The following LIMS1 variants were observed in gnomAD, a reference collection of about 807,000 sequenced individuals.
LIMS1 encodes LIM zinc finger domain containing 1.
Under a neutral mutation model 44.1 loss-of-function variants are expected in LIMS1, and 18 were observed. The ratio of observed to expected loss-of-function variants is 0.41; its 90% CI spans 0.28 to 0.61. LIMS1 has a LOEUF of 0.61. LIMS1 is among the 20% of genes least tolerant of loss of function. The pLI is 0.32. For missense variants in LIMS1, 201 were observed against 422.0 expected (o/e 0.48, Z 4.59); for synonymous variants, 93 against 149.1 (o/e 0.62, Z 2.74).
At chr2:108,537,251 G>A (rs1448976286) in intron 1 of LIMS1, among the ~76,000 whole-genome samples, 1 of 152,126 alleles carries the variant, frequency 6.6e-6, no homozygotes, top group Non-Finnish European at 1.5e-5. Context: ...GAAAGGTCTT[G>A]GAGACCCTCA....
exon 10 of LIMS1, chr2:108,686,729 T>TG: frequency 6.6e-6 from 1 of 151,496 alleles, no homozygotes; most frequent in East Asian, 1.9e-4. Flanking sequence ...TGAGCCGAGA[T>TG]TGCACCACTG....
At chr2:108,580,746 GT>G (rs1441927928) in intron 1 of LIMS1, among the ~76,000 whole-genome samples, 1 of 152,196 alleles carries the variant, frequency 6.6e-6, no homozygotes, top group Non-Finnish European at 1.5e-5. Flanking sequence ...TGACTCTCAG[GT>G]TTCTCGCTTG....
chr2:108,564,700 T>C (rs1272477927), intron 1 of LIMS1, among the ~76,000 whole-genome samples: 1 of 152,112 alleles, frequency 6.6e-6, no homozygotes, highest in Non-Finnish European at 1.5e-5. Flanking sequence ...CGTCATACGA[T>C]TTAGTATACA....
At chr2:108,542,257 A>C (rs1224607507) in intron 1 of LIMS1, among the ~76,000 whole-genome samples, 1 of 152,224 alleles carries the variant, frequency 6.6e-6, no homozygotes. Context: ...GATGATATTT[A>C]GGCATCCTTG....
chr2:108,618,814 A>G (rs1050513371), intron 1 of LIMS1, among the ~76,000 whole-genome samples: 3 of 125,764 alleles, frequency 2.4e-5, no homozygotes, highest in African/African-American at 6.5e-5. Flanking sequence ...ACAGAGCAAG[A>G]CTCCGTCTCA....
chr2:108,617,474 G>A (rs1687988270), intron 1 of LIMS1, among the ~76,000 whole-genome samples: 1 of 152,086 alleles, frequency 6.6e-6, no homozygotes, highest in Non-Finnish European at 1.5e-5. Flanking sequence ...TCTCATTTAG[G>A]TAACATTGAG....
chr2:108,669,681 C>G (rs1337731576), intron 2 of LIMS1, among the ~76,000 whole-genome samples: 1 of 149,408 alleles, frequency 6.7e-6, no homozygotes, highest in Non-Finnish European at 1.5e-5. Flanking sequence ...ACATTTCTCA[C>G]AAGTTAGTAA....
At chr2:108,615,532 T>C (rs957652292) in intron 1 of LIMS1, among the ~76,000 whole-genome samples, 1 of 152,066 alleles carries the variant, frequency 6.6e-6, no homozygotes, top group African/African-American at 2.4e-5. Flanking sequence ...AGAGCTCTTA[T>C]CCTCAAGCAG....
chr2:108,560,412 A>G (rs762613414), intron 1 of LIMS1, among the ~76,000 whole-genome samples: 14 of 151,626 alleles, frequency 9.2e-5, no homozygotes, highest in Admixed American at 6.6e-5. Context: ...ATCTCCTACT[A>G]TTCTTCCCCT....
intron 1 of LIMS1, among the ~76,000 whole-genome samples, chr2:108,559,893 C>T (rs1011069350): frequency 2.0e-5 from 3 of 152,204 alleles, no homozygotes; most frequent in Non-Finnish European, 4.4e-5. Flanking sequence ...ATTTATACCA[C>T]GGACTGTCGT....
chr2:108,673,145 A>G, intron 5 of LIMS1, 116 bp downstream of exon 5: 1 of 1,455,094 alleles, frequency 6.9e-7, no homozygotes, highest in African/African-American at 1.4e-5. Context: ...TAGTCTAGAA[A>G]ATTTTAAACC....
intron 1 of LIMS1, among the ~76,000 whole-genome samples, chr2:108,545,974 C>G (rs1211451243): frequency 1.3e-5 from 2 of 152,180 alleles, no homozygotes; most frequent in Admixed American, 1.3e-4. Context: ...AAGAGAAGCC[C>G]TCCTTAACTA....
At chr2:108,674,060 G>C (rs1692332831) in intron 5 of LIMS1, 1 of 152,220 alleles carries the variant, frequency 6.6e-6, no homozygotes, top group South Asian at 2.1e-4. Flanking sequence ...GGGCGTGGTG[G>C]CTCACACCTG....
chr2:108,660,680 T>C, intron 2 of LIMS1: 1 of 241,730 alleles, frequency 4.1e-6, no homozygotes, highest in South Asian at 4.6e-5. Flanking sequence ...ATCCTCGGCC[T>C]CCCAAAGTGC....
chr2:108,581,274 A>ACCC (rs1685874497), intron 1 of LIMS1, among the ~76,000 whole-genome samples: 2 of 152,094 alleles, frequency 1.3e-5, no homozygotes, highest in African/African-American at 2.4e-5. Context: ...GTAAAACTTA[A>ACCC]CCCCCGCCAG....
chr2:108,617,063 A>G (rs1287570955), intron 1 of LIMS1, among the ~76,000 whole-genome samples: 2 of 152,224 alleles, frequency 1.3e-5, no homozygotes, highest in African/African-American at 4.8e-5. Flanking sequence ...AATGGCCTGG[A>G]AATGTACAGC....
chr2:108,534,389 G>A (rs1257812326), exon 1 of LIMS1: 3 of 299,872 alleles, frequency 1.0e-5, no homozygotes, highest in African/African-American at 2.3e-5. Context: ...TTCCCGCGCG[G>A]CCCGCCTCGC....
At position 108,534,467 on chromosome 2, in the gene LIMS1, G is replaced by A; in HGVS notation, c.-96G>A. On this transcript the variant is annotated 5_prime_UTR_variant, in exon 1 of 10. Transcript: ENST00000544547. Reference sequence around the variant, plus strand: ...TTCCTCCCCTTCCTGCTCCGGGCCCGCCAGTAGCCGGCCGCGGCGGCGAGG... The same window carrying A: ...TTCCTCCCCTTCCTGCTCCGGGCCCACCAGTAGCCGGCCGCGGCGGCGAGG... The A allele has an allele frequency of 9.9e-7, 1 of 1,011,326 alleles. No homozygotes were observed. The highest frequency in any genetic ancestry group is 1.2e-6 in the Non-Finnish European group (1 of 807,262). 62.6% of individuals were successfully genotyped at this position (1,011,326 alleles called of 1,614,324 possible). A position where few individuals can be genotyped will look rare whatever the true frequency, so the allele number is the denominator to read the frequency against.
chr2:108,636,964 C>CT (rs1448418738), intron 1 of LIMS1, among the ~76,000 whole-genome samples: 2 of 152,140 alleles, frequency 1.3e-5, no homozygotes, highest in Non-Finnish European at 2.9e-5. Flanking sequence ...ATTTCCACAT[C>CT]TTTTTTCATT....
Sources: gnomAD v4.1 joint callset for allele counts (sites outside exome capture counted in the v4.1 genomes callset) on GRCh38, gnomAD v4.1.1 for gene constraint, MANE v1.5 for transcripts, NCBI Gene and HGNC (gene_info 2026-07-23, HGNC 2026-07-21) for gene names.